The following HHLA2 variants were observed in gnomAD, a reference collection of about 807,000 sequenced individuals.
HHLA2 encodes the protein HERV-H LTR-associating protein 2.
HHLA2 carries 48 observed loss-of-function variants against 45.9 expected under a neutral mutation model. That is an observed-to-expected ratio of 1.05 (90% CI 0.83 to 1.33). The LOEUF (loss-of-function observed/expected upper bound fraction) is 1.33, where lower values mean the gene tolerates loss of function less well. Among genes scored for constraint, HHLA2 ranks in the 40% most tolerant of loss-of-function variants. The pLI, the probability that HHLA2 is intolerant of heterozygous loss-of-function variation, is 0.00. For synonymous variants in HHLA2, 161 were observed against 173.9 expected (o/e 0.93, Z 0.59); for missense variants, 462 against 494.3 (o/e 0.93, Z 0.62).
intron 2 of HHLA2, among the ~76,000 whole-genome samples, chr3:108,312,329 C>A (rs1381399233): frequency 6.6e-6 from 1 of 152,228 alleles, no homozygotes; most frequent in African/African-American, 2.4e-5. Context: ...TCTTCTTTAT[C>A]AAAAACCTGT....
chr3:108,314,232 A>G (rs2081066423), intron 2 of HHLA2, among the ~76,000 whole-genome samples: 1 of 152,094 alleles, frequency 6.6e-6, no homozygotes, highest in Non-Finnish European at 1.5e-5. Flanking sequence ...CAAAGGAGAA[A>G]GAGATGGAGG....
chr3:108,366,942 T>C (rs2082074830), intron 8 of HHLA2, among the ~76,000 whole-genome samples: 1 of 152,182 alleles, frequency 6.6e-6, no homozygotes, highest in Admixed American at 6.5e-5. Context: ...GACAGACACC[T>C]CATACAGGAG....
At chr3:108,372,489 A>G (rs2082195449) in intron 8 of HHLA2, among the ~76,000 whole-genome samples, 1 of 120,788 alleles carries the variant, frequency 8.3e-6, no homozygotes, top group Non-Finnish European at 1.8e-5. Flanking sequence ...AGCAGAACTG[A>G]AGGAAATAGA....
intron 5 of HHLA2, 62 bp downstream of exon 4, chr3:108,353,842 G>A (rs146564918): frequency 3.2e-5 from 41 of 1,289,280 alleles, no homozygotes; most frequent in Middle Eastern, 1.9e-4. Flanking sequence ...ATTAGTAAGC[G>A]TCTTTTTCCT....
intron 2 of HHLA2, among the ~76,000 whole-genome samples, chr3:108,323,610 T>C (rs992796991): frequency 6.6e-6 from 1 of 152,216 alleles, no homozygotes; most frequent in African/African-American, 2.4e-5. Flanking sequence ...CTGAAATCCG[T>C]ACTATGTTCT....
At chr3:108,372,260 G>A (rs1483767593) in intron 8 of HHLA2, among the ~76,000 whole-genome samples, 8 of 152,082 alleles carry the variant, frequency 5.3e-5, no homozygotes, top group Non-Finnish European at 8.8e-5. Context: ...CAGAAATAAA[G>A]ATGTTCTTTG....
intron 3 of HHLA2, among the ~76,000 whole-genome samples, chr3:108,349,745 G>T (rs962143505): frequency 3.3e-5 from 5 of 152,216 alleles, no homozygotes; most frequent in African/African-American, 1.2e-4. Flanking sequence ...AGTGCACCTA[G>T]ATGTTAATGG....
chr3:108,353,606 G>A, exon 5 of HHLA2: 3 of 1,613,720 alleles, frequency 1.9e-6, no homozygotes, highest in Non-Finnish European at 2.5e-6. Flanking sequence ...TGACCATTTG[G>A]AAAGCCAAGA....
At chr3:108,315,440 G>A (rs564251978) in intron 2 of HHLA2, among the ~76,000 whole-genome samples, 1 of 152,238 alleles carries the variant, frequency 6.6e-6, no homozygotes, top group Admixed American at 6.5e-5. Flanking sequence ...TGTCTTAAAG[G>A]CGTCATTAAG....
intron 3 of HHLA2, among the ~76,000 whole-genome samples, chr3:108,340,920 C>CTTTTTTT: frequency 3.8e-5 from 1 of 26,040 alleles, no homozygotes; most frequent in Non-Finnish European, 1.2e-4. Flanking sequence ...TCCTTCCTTC[C>CTTTTTTT]TTCCTTCCTT....
intron 3 of HHLA2, among the ~76,000 whole-genome samples, chr3:108,342,593 C>T (rs1044366030): frequency 6.6e-6 from 1 of 152,052 alleles, no homozygotes; most frequent in Admixed American, 6.6e-5. Context: ...CACTGTAATC[C>T]CACTGGTGTG....
chr3:108,344,757 G>A (rs759159660), intron 3 of HHLA2, among the ~76,000 whole-genome samples: 2 of 152,184 alleles, frequency 1.3e-5, no homozygotes, highest in Non-Finnish European at 2.9e-5. Flanking sequence ...GCTGTCTGCC[G>A]TGTTAACCCT....
intron 3 of HHLA2, among the ~76,000 whole-genome samples, chr3:108,341,193 T>A (rs1198875246): frequency 6.6e-6 from 1 of 151,990 alleles, no homozygotes. Context: ...CCTCAGGTAA[T>A]CCGCCCGCCT....
chr3:108,334,314 A>G (rs2081435327), intron 3 of HHLA2, among the ~76,000 whole-genome samples: 1 of 152,208 alleles, frequency 6.6e-6, no homozygotes, highest in East Asian at 1.9e-4. Flanking sequence ...TTTTGATACA[A>G]AACAAAACCC....
intron 2 of HHLA2, among the ~76,000 whole-genome samples, chr3:108,319,564 A>G (rs2081163307): frequency 6.6e-6 from 1 of 152,228 alleles, no homozygotes; most frequent in Non-Finnish European, 1.5e-5. Context: ...AGAGTCACAA[A>G]ACCTGTTCTT....
At chr3:108,321,937 G>C (rs982106874) in intron 2 of HHLA2, among the ~76,000 whole-genome samples, 2 of 152,022 alleles carry the variant, frequency 1.3e-5, no homozygotes, top group Non-Finnish European at 2.9e-5. Context: ...ATGCCATTCT[G>C]TTCCTTTTTT....
intron 3 of HHLA2, among the ~76,000 whole-genome samples, chr3:108,333,755 C>T (rs2107390034): frequency 6.6e-6 from 1 of 152,284 alleles, no homozygotes; most frequent in East Asian, 1.9e-4. Flanking sequence ...ATTCAATGAG[C>T]TAGCCTAGGC....
intron 5 of HHLA2, 63 bp from the exon 5 acceptor site, chr3:108,355,052 C>T (rs2081858817): frequency 1.3e-6 from 2 of 1,500,304 alleles, no homozygotes; most frequent in Non-Finnish European, 1.8e-6. Context: ...GTATTCTGCA[C>T]AGACGGCCTA....
chr3:108,347,719 C>T (rs2081693052), intron 3 of HHLA2, among the ~76,000 whole-genome samples: 1 of 151,900 alleles, frequency 6.6e-6, no homozygotes, highest in African/African-American at 2.4e-5. Context: ...GGCTTTGGAG[C>T]AGGATGGTAA....
Sources: gnomAD v4.1 joint callset for allele counts (sites outside exome capture counted in the v4.1 genomes callset) on GRCh38, gnomAD v4.1.1 for gene constraint, MANE v1.5 for transcripts, NCBI Gene and HGNC (gene_info 2026-07-23, HGNC 2026-07-21) for gene names.